ERBB4: variants seen among roughly 807,000 people sequenced by gnomAD.
ERBB4 encodes the protein erb-b2 receptor tyrosine kinase 4, also known as receptor tyrosine-protein kinase erbB-4.
A neutral mutation model predicts 158.0 loss-of-function variants in ERBB4; 42 were observed. That is an observed-to-expected ratio of 0.27 (90% CI 0.21 to 0.34). The LOEUF (loss-of-function observed/expected upper bound fraction) is 0.34, where lower values mean the gene tolerates loss of function less well. Among genes scored for constraint, ERBB4 ranks in the 10% least tolerant of loss-of-function variants. ERBB4 has a pLI of 1.00. For synonymous variants in ERBB4, 583 were observed against 558.7 expected (o/e 1.04, Z -0.61); for missense variants, 1,333 against 1,624.1 (o/e 0.82, Z 3.08).
chr2:212,074,354 A>T (rs780631572), intron 2 of ERBB4, among the ~76,000 whole-genome samples: 1 of 152,024 alleles, frequency 6.6e-6, no homozygotes, highest in Non-Finnish European at 1.5e-5. Flanking sequence ...TGCACGTATG[A>T]GTAAGAACTA....
chr2:212,221,502 C>G (rs2083289338), intron 1 of ERBB4, among the ~76,000 whole-genome samples: 1 of 151,462 alleles, frequency 6.6e-6, no homozygotes, highest in South Asian at 2.1e-4. Context: ...CACTGAGTTT[C>G]AGAAAGGTGA....
intron 2 of ERBB4, among the ~76,000 whole-genome samples, chr2:212,018,950 C>T (rs553122391): frequency 2.6e-5 from 4 of 152,184 alleles, no homozygotes; most frequent in African/African-American, 9.6e-5. Flanking sequence ...CGAATCATTA[C>T]ATTAAAAAGT....
chr2:211,875,457 G>C (rs71422764), intron 3 of ERBB4, among the ~76,000 whole-genome samples: 1 of 152,048 alleles, frequency 6.6e-6, no homozygotes, highest in Non-Finnish European at 1.5e-5. Context: ...TTTTGAAGAA[G>C]AAGAAACAAG....
At chr2:211,406,451 C>A (rs13431425) in intron 25 of ERBB4, among the ~76,000 whole-genome samples, 50,771 of 151,910 alleles carry the variant, frequency 0.33, 8,860 homozygotes, top group South Asian at 0.54. Flanking sequence ...GATGATTTAG[C>A]CCCTTAAAGA....
At chr2:211,809,208 T>C (rs2076691093) in intron 3 of ERBB4, among the ~76,000 whole-genome samples, 1 of 152,210 alleles carries the variant, frequency 6.6e-6, no homozygotes, top group Non-Finnish European at 1.5e-5. Flanking sequence ...CTTCATAAAA[T>C]GAATTAGGGA....
At chr2:211,695,992 C>T (rs1402047621) in intron 12 of ERBB4, among the ~76,000 whole-genome samples, 2 of 148,518 alleles carry the variant, frequency 1.3e-5, no homozygotes, top group African/African-American at 5.0e-5. Context: ...TTCCTCCCTC[C>T]TTCCCTTCCC....
chr2:212,145,265 AT>A (rs2080625701), intron 1 of ERBB4, among the ~76,000 whole-genome samples: 1 of 152,158 alleles, frequency 6.6e-6, no homozygotes, highest in African/African-American at 2.4e-5. Flanking sequence ...CTTGGATAGT[AT>A]TTTTACTTCC....
At chr2:212,330,132 A>G (rs889621178) in intron 1 of ERBB4, among the ~76,000 whole-genome samples, 4 of 152,104 alleles carry the variant, frequency 2.6e-5, no homozygotes, top group Non-Finnish European at 5.9e-5. Context: ...TTTGGCCACT[A>G]ACAACCATTG....
chr2:211,666,469 CAATATT>C (rs1341331722), intron 14 of ERBB4, among the ~76,000 whole-genome samples: 1 of 151,902 alleles, frequency 6.6e-6, no homozygotes, highest in Admixed American at 6.6e-5. Context: ...AAAGTCATGA[CAATATT>C]AAGATGTTCA....
At chr2:212,305,373 T>G (rs1231781617) in intron 1 of ERBB4, among the ~76,000 whole-genome samples, 1 of 151,400 alleles carries the variant, frequency 6.6e-6, no homozygotes, top group Non-Finnish European at 1.5e-5. Context: ...ATGATTTTTA[T>G]TCCACTAATA....
At chr2:211,813,310 C>T (rs1267131588) in intron 3 of ERBB4, among the ~76,000 whole-genome samples, 2 of 152,208 alleles carry the variant, frequency 1.3e-5, no homozygotes, top group Admixed American at 6.5e-5. Flanking sequence ...GGGTAACATG[C>T]TGCCAAGTGT....
chr2:211,977,147 T>C (rs1171277353), intron 2 of ERBB4, among the ~76,000 whole-genome samples: 1 of 152,140 alleles, frequency 6.6e-6, no homozygotes, highest in Non-Finnish European at 1.5e-5. Context: ...AATAAACTGA[T>C]AAGTGCCAGT....
intron 20 of ERBB4, among the ~76,000 whole-genome samples, chr2:211,478,612 G>A (rs1341875053): frequency 6.6e-6 from 1 of 152,002 alleles, no homozygotes; most frequent in Non-Finnish European, 1.5e-5. Flanking sequence ...TCTTGTAACT[G>A]TCCACTTAAG....
At chr2:212,149,735 C>G (rs1014321525) in intron 1 of ERBB4, among the ~76,000 whole-genome samples, 1 of 152,052 alleles carries the variant, frequency 6.6e-6, no homozygotes, top group Non-Finnish European at 1.5e-5. Flanking sequence ...TTCATTCTTT[C>G]TTTTTCATTC....
intron 1 of ERBB4, among the ~76,000 whole-genome samples, chr2:212,407,900 T>A (rs2091392997): frequency 6.6e-6 from 1 of 152,048 alleles, no homozygotes; most frequent in Non-Finnish European, 1.5e-5. Context: ...TATGTACTAC[T>A]AGGTAGCTTA....
chr2:212,183,663 T>C (rs570132878), intron 1 of ERBB4, among the ~76,000 whole-genome samples: 1 of 152,056 alleles, frequency 6.6e-6, no homozygotes, highest in East Asian at 1.9e-4. Flanking sequence ...TGCTACACTT[T>C]CAGTTAATTT....
At chr2:211,704,302 A>C (rs755005014) in intron 10 of ERBB4, 108 bp from the exon 11 acceptor site, 1 of 758,174 alleles carries the variant, frequency 1.3e-6, no homozygotes, top group Non-Finnish European at 2.4e-6. Context: ...GAAGTGAGAA[A>C]GGGGTAGTGA....
chr2:212,205,062 C>A (rs1006892677), intron 1 of ERBB4, among the ~76,000 whole-genome samples: 18 of 152,080 alleles, frequency 1.2e-4, no homozygotes, highest in African/African-American at 4.1e-4. Flanking sequence ...AGGTGATCAA[C>A]CCGCCTCGGC....
intron 1 of ERBB4, among the ~76,000 whole-genome samples, chr2:212,198,569 T>C (rs1322207506): frequency 6.6e-6 from 1 of 152,042 alleles, no homozygotes; most frequent in Admixed American, 6.6e-5. Context: ...AATATTATAC[T>C]GTATCTGCCA....
Sources: gnomAD v4.1 joint callset for allele counts (sites outside exome capture counted in the v4.1 genomes callset) on GRCh38, gnomAD v4.1.1 for gene constraint, MANE v1.5 for transcripts, NCBI Gene and HGNC (gene_info 2026-07-23, HGNC 2026-07-21) for gene names.